ZFAND3: variants seen among roughly 807,000 people sequenced by gnomAD.
The protein encoded by ZFAND3 is AN1-type zinc finger protein 3.
A neutral mutation model predicts 29.6 loss-of-function variants in ZFAND3; 10 were observed. The ratio of observed to expected loss-of-function variants is 0.34; its 90% CI spans 0.21 to 0.57. ZFAND3 has a LOEUF of 0.57. Ranked by LOEUF, ZFAND3 falls within the 20% of genes least tolerant of loss-of-function variation. The pLI, the probability that ZFAND3 is intolerant of heterozygous loss-of-function variation, is 0.86. For synonymous variants in ZFAND3, 128 were observed against 112.6 expected (o/e 1.14, Z -0.87); for missense variants, 230 against 304.5 (o/e 0.76, Z 1.82).
chr6:37,960,322 C>T (rs1048649062), intron 2 of ZFAND3, among the ~76,000 whole-genome samples: 1 of 152,214 alleles, frequency 6.6e-6, no homozygotes, highest in African/African-American at 2.4e-5. Context: ...TTGTTATATG[C>T]AGTGAACCTT....
intron 2 of ZFAND3, among the ~76,000 whole-genome samples, chr6:38,050,370 T>C (rs935289014): frequency 2.0e-5 from 3 of 152,074 alleles, no homozygotes; most frequent in Admixed American, 2.0e-4. Flanking sequence ...TCAGCCTTTC[T>C]AGTAGCCAGG....
chr6:38,052,892 G>T (rs1764053778), intron 2 of ZFAND3, among the ~76,000 whole-genome samples: 1 of 152,024 alleles, frequency 6.6e-6, no homozygotes, highest in African/African-American at 2.4e-5. Context: ...ACAAAACTTA[G>T]GTGTGGTGGT....
At chr6:37,887,947 A>G (rs929271684) in intron 1 of ZFAND3, among the ~76,000 whole-genome samples, 1 of 152,094 alleles carries the variant, frequency 6.6e-6, no homozygotes, top group African/African-American at 2.4e-5. Context: ...GAGATTTTTG[A>G]CTTGTATGTT....
chr6:37,823,025 CT>C (rs1019585557), intron 1 of ZFAND3, among the ~76,000 whole-genome samples: 1 of 152,098 alleles, frequency 6.6e-6, no homozygotes, highest in African/African-American at 2.4e-5. Flanking sequence ...CAGTGAGGAG[CT>C]ACTCAAGAAC....
intron 3 of ZFAND3, among the ~76,000 whole-genome samples, chr6:38,071,294 G>A (rs777258188): frequency 6.6e-6 from 1 of 151,844 alleles, no homozygotes; most frequent in African/African-American, 2.4e-5. Flanking sequence ...TGTCTGAATC[G>A]TAGAGTTATA....
intron 2 of ZFAND3, among the ~76,000 whole-genome samples, chr6:38,007,010 T>G (rs891948517): frequency 2.6e-5 from 4 of 152,152 alleles, no homozygotes. Context: ...TTTGAATTTG[T>G]TAGTTCTCAG....
intron 2 of ZFAND3, among the ~76,000 whole-genome samples, chr6:37,939,813 G>A (rs1321525900): frequency 6.6e-6 from 1 of 152,018 alleles, no homozygotes; most frequent in Non-Finnish European, 1.5e-5. Context: ...AGGCTTAGGC[G>A]GGCGGATCAC....
At chr6:37,991,632 A>C (rs1457031504) in intron 2 of ZFAND3, among the ~76,000 whole-genome samples, 1 of 152,118 alleles carries the variant, frequency 6.6e-6, no homozygotes, top group South Asian at 2.1e-4. Flanking sequence ...GGGTTGTTGC[A>C]ATTTTAATAA....
At chr6:37,841,378 T>A (rs1339436008) in intron 1 of ZFAND3, among the ~76,000 whole-genome samples, 2 of 152,234 alleles carry the variant, frequency 1.3e-5, no homozygotes. Flanking sequence ...CTATTAATCT[T>A]ATTTTTTATT....
intron 1 of ZFAND3, among the ~76,000 whole-genome samples, chr6:37,846,009 A>G (rs1764170804): frequency 6.6e-6 from 1 of 152,116 alleles, no homozygotes. Context: ...TCTCATCTCT[A>G]CCTCAGCTCT....
intron 1 of ZFAND3, among the ~76,000 whole-genome samples, chr6:37,906,444 C>T (rs1468490951): frequency 6.6e-6 from 1 of 152,092 alleles, no homozygotes. Flanking sequence ...AGTTGATAGA[C>T]ATTTAGGTCC....
chr6:38,063,366 C>T (rs1764279928), intron 3 of ZFAND3, among the ~76,000 whole-genome samples: 1 of 152,094 alleles, frequency 6.6e-6, no homozygotes, highest in African/African-American at 2.4e-5. Context: ...ACCCCACAGC[C>T]CCAGAACATT....
intron 2 of ZFAND3, among the ~76,000 whole-genome samples, chr6:38,035,940 T>G (rs1010784978): frequency 5.5e-4 from 84 of 152,308 alleles, no homozygotes; most frequent in African/African-American, 1.9e-3. Context: ...TAAATCTCAG[T>G]AAGAACTGGA....
At chr6:37,937,653 C>CAAAAAAAAAAAAAAAAA (rs71542151) in intron 2 of ZFAND3, among the ~76,000 whole-genome samples, 1 of 85,494 alleles carries the variant, frequency 1.2e-5, no homozygotes, top group East Asian at 4.0e-4. Context: ...GACTCCGTCT[C>CAAAAAAAAAAAAAAAAA]AAAAAAAAAA....
chr6:37,916,442 G>A (rs259695), intron 1 of ZFAND3, among the ~76,000 whole-genome samples: 48,593 of 151,758 alleles, frequency 0.32, 8,223 homozygotes, highest in Non-Finnish European at 0.38. Flanking sequence ...GGCAGATCAC[G>A]AGGTCAGGAG....
chr6:37,847,323 C>A (rs1279140800), intron 1 of ZFAND3, among the ~76,000 whole-genome samples: 1 of 152,108 alleles, frequency 6.6e-6, no homozygotes, highest in Non-Finnish European at 1.5e-5. Context: ...CGCCTGTAAT[C>A]CCAGCACTAT....
intron 1 of ZFAND3, among the ~76,000 whole-genome samples, chr6:37,821,062 G>T (rs2127362465): frequency 6.6e-6 from 1 of 152,336 alleles, no homozygotes; most frequent in African/African-American, 2.4e-5. Flanking sequence ...CGTATATTTG[G>T]AGACATAGAG....
chr6:37,926,696 A>C (rs1761491067), intron 1 of ZFAND3, among the ~76,000 whole-genome samples: 1 of 152,118 alleles, frequency 6.6e-6, no homozygotes, highest in African/African-American at 2.4e-5. Context: ...GGTTTTAGAA[A>C]CGTGGTACCC....
At chr6:38,115,708 G>A (rs1273221528) in intron 4 of ZFAND3, among the ~76,000 whole-genome samples, 1 of 152,218 alleles carries the variant, frequency 6.6e-6, no homozygotes, top group East Asian at 1.9e-4. Context: ...TATGCAAGCA[G>A]CTGTTTCAGG....
Sources: gnomAD v4.1 joint callset for allele counts (sites outside exome capture counted in the v4.1 genomes callset) on GRCh38, gnomAD v4.1.1 for gene constraint, MANE v1.5 for transcripts, NCBI Gene and HGNC (gene_info 2026-07-23, HGNC 2026-07-21) for gene names.